KCNN2: variants seen among roughly 807,000 people sequenced by gnomAD.
KCNN2 encodes the protein small conductance calcium-activated potassium channel protein 2.
In KCNN2, 24 loss-of-function variants were observed where a neutral mutation model predicts 55.5. That is an observed-to-expected ratio of 0.43 (90% CI 0.31 to 0.61). The LOEUF is 0.61. Ranked by LOEUF, KCNN2 falls within the 20% of genes least tolerant of loss-of-function variation. KCNN2 has a pLI of 0.08. For synonymous variants in KCNN2, 431 were observed against 336.1 expected (o/e 1.28, Z -3.09); for missense variants, 754 against 853.6 (o/e 0.88, Z 1.45).
In KCNN2 at chr5:114,062,292, A is replaced by C. The variant is rs533394189; in HGVS notation, c.-271+5792A>C. ...TGCCCACAGAATATCTGGGCAGGGC[A>C]GCGCAAAGACCTCCTGCCAGACATG... On this transcript the variant is annotated intron_variant, in intron 1 of 10. Transcript: ENST00000512097. Among the ~76,000 whole-genome samples the C allele has an allele frequency of 3.3e-5, 5 of 152,302 alleles. No homozygotes were observed. In the South Asian group the frequency reaches 1.0e-3, roughly 32 times the overall value.
intron 1 of KCNN2, among the ~76,000 whole-genome samples, chr5:114,205,286 G>T (rs1753745800): frequency 6.6e-6 from 1 of 152,212 alleles, no homozygotes; most frequent in Non-Finnish European, 1.5e-5. Flanking sequence ...CAGTGTGAAA[G>T]ACACTGAGGA....
chr5:114,278,070 G>T (rs1755529562), intron 2 of KCNN2, among the ~76,000 whole-genome samples: 1 of 152,160 alleles, frequency 6.6e-6, no homozygotes, highest in African/African-American at 2.4e-5. Context: ...CTTTCTGTTT[G>T]TTAGGTTTCT....
chr5:114,153,698 A>G (rs1719269506), intron 1 of KCNN2, among the ~76,000 whole-genome samples: 1 of 152,312 alleles, frequency 6.6e-6, no homozygotes, highest in African/African-American at 2.4e-5. Flanking sequence ...AAATGCTATC[A>G]TCTTCCCAGA....
chr5:114,258,014 CTTTTATG>C, intron 2 of KCNN2, among the ~76,000 whole-genome samples: 1 of 151,948 alleles, frequency 6.6e-6, no homozygotes, highest in South Asian at 2.1e-4. Flanking sequence ...AATTATGTTT[CTTTTATG>C]CCTAGTTTGT....
chr5:114,262,449 T>C (rs1755127484), intron 2 of KCNN2, among the ~76,000 whole-genome samples: 1 of 152,208 alleles, frequency 6.6e-6, no homozygotes, highest in African/African-American at 2.4e-5. Context: ...ACGAACCTTT[T>C]TCAAGAGAGT....
chr5:114,492,036 C>T (rs928477759), intron 6 of KCNN2, among the ~76,000 whole-genome samples: 3 of 152,088 alleles, frequency 2.0e-5, no homozygotes, highest in Admixed American at 6.6e-5. Context: ...CAATTAACTT[C>T]GTTCCAGCAT....
chr5:114,355,676 C>A (rs908753960), intron 2 of KCNN2, among the ~76,000 whole-genome samples: 1 of 150,914 alleles, frequency 6.6e-6, no homozygotes, highest in Non-Finnish European at 1.5e-5. Flanking sequence ...AGGAACCAAA[C>A]TGGATGCCTG....
chr5:114,460,845 G>A (rs1317800505), intron 3 of KCNN2, among the ~76,000 whole-genome samples: 1 of 152,180 alleles, frequency 6.6e-6, no homozygotes. Context: ...TAGCTCTTAA[G>A]TGTATCACAT....
chr5:114,123,048 G>A (rs1378739372), intron 1 of KCNN2, among the ~76,000 whole-genome samples: 2 of 152,168 alleles, frequency 1.3e-5, no homozygotes, highest in South Asian at 2.1e-4. Context: ...ATGACAGTGT[G>A]AGAGACAGTA....
intron 1 of KCNN2, among the ~76,000 whole-genome samples, chr5:114,121,820 C>T (rs1425260492): frequency 6.6e-6 from 1 of 152,188 alleles, no homozygotes; most frequent in Non-Finnish European, 1.5e-5. Flanking sequence ...CCCATGGAAA[C>T]ACTCCTTTTA....
intron 1 of KCNN2, among the ~76,000 whole-genome samples, chr5:114,096,858 G>A (rs1418970149): frequency 6.6e-6 from 1 of 152,140 alleles, no homozygotes; most frequent in Non-Finnish European, 1.5e-5. Context: ...TTTAGAGGAT[G>A]GCCAGAATAA....
chr5:114,307,827 G>A (rs1756314987), intron 2 of KCNN2, among the ~76,000 whole-genome samples: 1 of 152,054 alleles, frequency 6.6e-6, no homozygotes, highest in Non-Finnish European at 1.5e-5. Flanking sequence ...AAGCTTCAAT[G>A]AACCATCCAG....
chr5:114,193,749 G>C (rs978372587), intron 1 of KCNN2, among the ~76,000 whole-genome samples: 2 of 152,068 alleles, frequency 1.3e-5, no homozygotes, highest in African/African-American at 4.8e-5. Flanking sequence ...TTCTGTTTCA[G>C]ATCTGCCCCT....
At chr5:114,213,896 A>C (rs1753940430) in intron 1 of KCNN2, among the ~76,000 whole-genome samples, 1 of 152,070 alleles carries the variant, frequency 6.6e-6, no homozygotes, top group African/African-American at 2.4e-5. Context: ...ACTGCTTCAC[A>C]AGAAAGAGTT....
intron 3 of KCNN2, among the ~76,000 whole-genome samples, chr5:114,453,172 C>T (rs907514659): frequency 2.6e-5 from 4 of 152,174 alleles, no homozygotes; most frequent in African/African-American, 9.7e-5. Context: ...GGGAGTCACT[C>T]TGTGTCCCAG....
chr5:114,129,286 G>A (rs894076225), intron 1 of KCNN2, among the ~76,000 whole-genome samples: 1 of 152,126 alleles, frequency 6.6e-6, no homozygotes, highest in African/African-American at 2.4e-5. Context: ...TACACATGAG[G>A]CTTCTAAGAC....
chr5:114,183,859 ATTGT>A (rs1184140559), intron 1 of KCNN2, among the ~76,000 whole-genome samples: 1 of 149,144 alleles, frequency 6.7e-6, no homozygotes, highest in African/African-American at 2.5e-5. Context: ...TTTTTTTCTG[ATTGT>A]TGCTGTTTTC....
intron 3 of KCNN2, among the ~76,000 whole-genome samples, chr5:114,417,110 AC>A (rs961425121): frequency 7.9e-5 from 12 of 152,224 alleles, no homozygotes; most frequent in Admixed American, 4.6e-4. Flanking sequence ...ACGAAATGAA[AC>A]ATCCAGTAGA....
At chr5:114,213,395 T>C (rs1753929361) in intron 1 of KCNN2, among the ~76,000 whole-genome samples, 3 of 151,402 alleles carry the variant, frequency 2.0e-5, no homozygotes, top group Non-Finnish European at 4.4e-5. Flanking sequence ...TTCCTTGGTT[T>C]CTCTTTTTTT....
Sources: allele counts gnomAD v4.1 joint callset (sites outside exome capture counted in the v4.1 genomes callset), GRCh38; gene constraint gnomAD v4.1.1; transcripts MANE v1.5; gene names NCBI Gene and HGNC (gene_info 2026-07-23, HGNC 2026-07-21).